Variants in PARD3B observed in about 807,000 individuals in gnomAD.
The protein encoded by PARD3B is par-3 family cell polarity regulator beta.
A neutral mutation model predicts 130.2 loss-of-function variants in PARD3B; 103 were observed. That is an observed-to-expected ratio of 0.79 (90% confidence interval 0.67 to 0.93). PARD3B has a LOEUF of 0.93. Among genes scored for constraint, PARD3B ranks in the 40% least tolerant of loss-of-function variants. The pLI is 0.00. For synonymous variants in PARD3B, 583 were observed against 553.2 expected, an observed-to-expected ratio of 1.05 and a Z score of -0.76; for missense variants, 1,609 against 1,499.2, an observed-to-expected ratio of 1.07 and a Z score of -1.21.
intron 16 of PARD3B, among the ~76,000 whole-genome samples, chr2:205,294,492 G>C (rs1184083158): frequency 6.6e-6 from 1 of 152,062 alleles, no homozygotes; most frequent in Non-Finnish European, 1.5e-5. Context: ...TTTTAGTAAA[G>C]AAAATTAAAG....
intron 2 of PARD3B, among the ~76,000 whole-genome samples, chr2:204,820,855 T>G (rs555723874): frequency 2.0e-5 from 3 of 151,700 alleles, no homozygotes; most frequent in Non-Finnish European, 4.4e-5. Context: ...CCACTGCTCA[T>G]TTACCGTTTC....
intron 20 of PARD3B, among the ~76,000 whole-genome samples, chr2:205,486,793 C>T (rs147883407): frequency 2.2e-3 from 336 of 152,214 alleles, no homozygotes; most frequent in Middle Eastern, 0.01. Flanking sequence ...GCCCCACCTC[C>T]AGCATTGGGG....
chr2:205,385,465 C>T (rs145058468), intron 18 of PARD3B, among the ~76,000 whole-genome samples: 237 of 152,168 alleles, frequency 1.6e-3, no homozygotes, highest in African/African-American at 5.3e-3. Flanking sequence ...GTTCCAGCTT[C>T]GTTAATTTAT....
chr2:205,360,087 T>C (rs533634826), intron 18 of PARD3B, among the ~76,000 whole-genome samples: 1 of 152,354 alleles, frequency 6.6e-6, no homozygotes, highest in African/African-American at 2.4e-5. Flanking sequence ...ACATTTCTGA[T>C]TTTTGTCATT....
In PARD3B at chr2:204,673,224, T is replaced by A. The variant is rs2036388799; in HGVS notation, c.121-12957T>A. Among the ~76,000 whole-genome samples, 1 of 152,220 alleles carries A rather than the reference T, an allele frequency of 6.6e-6. No individual in the cohort carries two copies. The highest frequency in any genetic ancestry group is 2.4e-5 in the African/African-American group (1 of 41,466). ...GTACATCAGCAGTTTGGAAAAACCA[T>A]CTGAGATGCAAATAACATGTAAGTC... On this transcript the variant is annotated intron_variant, in intron 1 of 22. Transcript: ENST00000406610. The surrounding 1 kb of genome is among the most constrained non-coding windows in gnomAD (Gnocchi z 4.7).
At chr2:204,909,182 AT>A (rs2047143487) in intron 2 of PARD3B, among the ~76,000 whole-genome samples, 1 of 152,182 alleles carries the variant, frequency 6.6e-6, no homozygotes, top group Non-Finnish European at 1.5e-5. Flanking sequence ...AAGATATTAA[AT>A]TTGTACAAAT....
In PARD3B at chr2:204,678,332, T is replaced by A. The variant is rs1483046008; in HGVS notation, c.121-7849T>A. 6.6e-6 allele frequency among the ~76,000 whole-genome samples: 1 copy of A among 152,134 alleles called. No homozygotes were observed. Among genetic ancestry groups the A allele is most frequent in the Non-Finnish European group, 1.5e-5 (1 of 68,010 alleles). ...ATTACAAACAATGCCCTTTTGGTTG[T>A]TGCCTTCAACAGAGAGCTAAGCCTT... On this transcript the variant is annotated intron_variant, in intron 1 of 22. Coordinates refer to ENST00000406610, the MANE Select transcript of PARD3B (RefSeq NM_001302769.2). This position sits in a 1 kb window ranked among gnomAD's most constrained non-coding sequence, Gnocchi z 4.2.
intron 16 of PARD3B, among the ~76,000 whole-genome samples, chr2:205,272,268 G>T (rs930266303): frequency 6.6e-6 from 1 of 151,706 alleles, no homozygotes; most frequent in Admixed American, 6.6e-5. Context: ...GGTAAATATG[G>T]CAATATATAT....
chr2:205,145,823 CAAAAAAAAA>C (rs58133781), intron 10 of PARD3B, among the ~76,000 whole-genome samples: 1 of 126,748 alleles, frequency 7.9e-6, no homozygotes, highest in Admixed American at 7.9e-5. Context: ...TCCAAGAAGT[CAAAAAAAAA>C]AAAAAAAACA....
chr2:204,934,783 G>A (rs559503116), intron 2 of PARD3B, among the ~76,000 whole-genome samples: 1 of 152,148 alleles, frequency 6.6e-6, no homozygotes, highest in African/African-American at 2.4e-5. Context: ...TGGGAACGGG[G>A]TAAGTATTTA....
chr2:204,836,051 T>C (rs1020233362), intron 2 of PARD3B, among the ~76,000 whole-genome samples: 3 of 152,236 alleles, frequency 2.0e-5, no homozygotes, highest in African/African-American at 7.2e-5. Context: ...GAAGGATGCA[T>C]GTTTCGATGT....
chr2:204,713,362 T>C (rs544175417), intron 2 of PARD3B, among the ~76,000 whole-genome samples: 7 of 146,424 alleles, frequency 4.8e-5, no homozygotes, highest in East Asian at 2.0e-4. Flanking sequence ...TTTTATGGTA[T>C]GTCCATTTCA....
intron 15 of PARD3B, among the ~76,000 whole-genome samples, chr2:205,200,819 G>T (rs939936755): frequency 6.6e-6 from 1 of 152,164 alleles, no homozygotes; most frequent in Non-Finnish European, 1.5e-5. Context: ...ATTTTAGATG[G>T]GATAGTGAAT....
intron 16 of PARD3B, among the ~76,000 whole-genome samples, chr2:205,295,895 G>A (rs1245492045): frequency 1.3e-5 from 2 of 152,110 alleles, no homozygotes; most frequent in Non-Finnish European, 2.9e-5. Context: ...GAAATGTAAG[G>A]CATTGTTTGA....
chr2:205,533,958 G>A (rs2051720674), intron 21 of PARD3B, among the ~76,000 whole-genome samples: 1 of 150,208 alleles, frequency 6.7e-6, no homozygotes, highest in South Asian at 2.2e-4. Flanking sequence ...ATAGAGTCTA[G>A]TAAAAGCATT....
At chr2:205,089,933 T>A (rs190290196) in intron 4 of PARD3B, among the ~76,000 whole-genome samples, 211 of 152,348 alleles carry the variant, frequency 1.4e-3, no homozygotes, top group African/African-American at 4.9e-3. Flanking sequence ...CCAGTTGCCA[T>A]TCCTTCTGAA....
At chr2:205,464,158 C>G (rs1312329582) in intron 20 of PARD3B, among the ~76,000 whole-genome samples, 1 of 152,112 alleles carries the variant, frequency 6.6e-6, no homozygotes, top group African/African-American at 2.4e-5. Context: ...ACATCTGGCT[C>G]TATCCTAGGT....
chr2:205,163,947 T>C (rs372132853), intron 11 of PARD3B, among the ~76,000 whole-genome samples: 1 of 152,222 alleles, frequency 6.6e-6, no homozygotes, highest in Non-Finnish European at 1.5e-5. Context: ...ACTTCTAAGC[T>C]GTTACCTCTG....
chr2:204,721,888 C>A (rs1414915735), intron 2 of PARD3B, among the ~76,000 whole-genome samples: 1 of 151,934 alleles, frequency 6.6e-6, no homozygotes, highest in Non-Finnish European at 1.5e-5. Context: ...ATTTTGTGTT[C>A]TTTGTGACCC....
Sources: gnomAD v4.1 joint callset for allele counts (sites outside exome capture counted in the v4.1 genomes callset) on GRCh38, gnomAD v4.1.1 for gene constraint, Gnocchi (gnomAD v3.1) non-coding constraint, MANE v1.5 for transcripts, NCBI Gene and HGNC (gene_info 2026-07-23, HGNC 2026-07-21) for gene names.